ZNF155: variants seen among roughly 807,000 people sequenced by gnomAD.
ZNF155 encodes the protein KRAB A domain.
Under a neutral mutation model 11.9 loss-of-function variants are expected in ZNF155, and 15 were observed. The ratio of observed to expected loss-of-function variants is 1.26; its 90% CI spans 0.84 to 1.94. The LOEUF (loss-of-function observed/expected upper bound fraction) is 1.94. Among genes scored for constraint, ZNF155 ranks in the 30% most tolerant of loss-of-function variants. The pLI, the probability that ZNF155 is intolerant of heterozygous loss-of-function variation, is 0.00. For synonymous variants in ZNF155, 212 were observed against 219.9 expected, an observed-to-expected ratio of 0.96 and a Z score of 0.32; for missense variants, 602 against 639.1, an observed-to-expected ratio of 0.94 and a Z score of 0.63.
At chr19:43,991,256 G>A (rs540723229) in intron 2 of ZNF155, among the ~76,000 whole-genome samples, 1 of 152,096 alleles carries the variant, frequency 6.6e-6, no homozygotes, top group African/African-American at 2.4e-5. Flanking sequence ...ACCTATATAT[G>A]GGTAGCTCAG....
chr19:43,988,493 T>A lies in ZNF155; in HGVS notation c.-51T>A. On this transcript the variant is annotated 5_prime_UTR_variant, in exon 2 of 5. Coordinates refer to ENST00000270014, the MANE Select transcript of ZNF155 (RefSeq NM_198089.3). Reference sequence around the variant, plus strand: ...CGTTTCAGGCAGGATTCCTCCTTCATTCAAACTGCATCACCCAGGAGTCTG... The same window carrying A: ...CGTTTCAGGCAGGATTCCTCCTTCAATCAAACTGCATCACCCAGGAGTCTG... 1 of 1,578,160 alleles carries A rather than the reference T, an allele frequency of 6.3e-7. No homozygotes were observed. Among genetic ancestry groups the A allele is most frequent in the Non-Finnish European group, 8.6e-7 (1 of 1,159,676 alleles).
Position 43,996,917 on chromosome 19 carries a change from A to G in ZNF155, c.1060A>G (p.Ile354Val), listed in dbSNP as rs771604638. 24 of 1,613,984 alleles carry G rather than the reference A, an allele frequency of 1.5e-5. 1 individual carries two copies. The South Asian group carries it at 2.6e-4, about 18-fold the overall frequency. Residue 354 changes from isoleucine (I) to valine (V), a missense_variant, in exon 5 of 5, where the codon ATT becomes GTT. Physicochemically the swap from Ile to Val is conservative, Grantham distance 29. Transcript: ENST00000270014. ...ATGTGAGCAGTGTGGAAAAGGCTTTATTGGTAGGCTAGATTTTTATAAGCA... is the reference window on the plus strand; with the variant it reads ...ATGTGAGCAGTGTGGAAAAGGCTTTGTTGGTAGGCTAGATTTTTATAAGCA... ...YRCEQCGKGF[I>V]GRLDFYKHQV...
At chr19:43,994,347 T>C (rs1975761492) in intron 4 of ZNF155, among the ~76,000 whole-genome samples, 1 of 152,242 alleles carries the variant, frequency 6.6e-6, no homozygotes, top group Non-Finnish European at 1.5e-5. Flanking sequence ...ACATATGCTG[T>C]GCAAAATTCT....
At chr19:43,986,666 G>C (rs1417282129) in intron 1 of ZNF155, among the ~76,000 whole-genome samples, 1 of 151,990 alleles carries the variant, frequency 6.6e-6, no homozygotes, top group Non-Finnish European at 1.5e-5. Flanking sequence ...AGCCAGGATG[G>C]TCTCGATCTC....
rs755346795 is a variant in ZNF155, at chr19:43,996,548, C to A, written c.691C>A (p.Pro231Thr). 1.2e-6 allele frequency: 2 copies of A among 1,614,104 alleles called. No individual in the cohort carries two copies. Among genetic ancestry groups the A allele is most frequent in the Admixed American group, 3.3e-5 (2 of 60,018 alleles). ...TCAGAGAGTCCACACTGGAGAGAAA[C>A]CATTCAAATGTGAGCAATGTGGGAA... ...THQRVHTGEK[P>T]FKCEQCGKGF... The change falls in exon 5 of 5, where the codon CCA (proline) becomes ACA (threonine). Residue 231 changes from proline (P) to threonine (T), a missense_variant. Coordinates refer to ENST00000270014, the MANE Select transcript of ZNF155 (RefSeq NM_198089.3).
At chr19:43,995,165 G>A (rs560188397) in intron 4 of ZNF155, among the ~76,000 whole-genome samples, 106 of 151,908 alleles carry the variant, frequency 7.0e-4, no homozygotes, top group African/African-American at 2.5e-3. Context: ...GAGTGCAGTG[G>A]CACGATCTCA....
chr19:43,991,565 G>A lies in ZNF155; in HGVS notation c.33G>A (p.Lys11=). The change falls in exon 3 of 5, where the codon AAG becomes AAA. Residue 11 remains lysine, a synonymous_variant. Coordinates refer to ENST00000270014, the MANE Select transcript of ZNF155 (RefSeq NM_198089.3). MTTFKEAVTF[K]DVAVVFTEEE... is the part of the protein sequence containing the mutation. Reference sequence around the variant, plus strand: ...TGTTGTAGGAGGCAGTGACCTTCAAGGATGTGGCTGTGGTCTTCACTGAGG... The same window carrying A: ...TGTTGTAGGAGGCAGTGACCTTCAAAGATGTGGCTGTGGTCTTCACTGAGG... 6.2e-7 allele frequency: 1 copy of A among 1,614,146 alleles called. No homozygotes were observed. Among genetic ancestry groups the A allele is most frequent in the Non-Finnish European group, 8.5e-7 (1 of 1,180,020 alleles).
rs1455275058 is a variant in ZNF155, at chr19:43,996,388, ATGTGATGAG to A, written c.536_544del (p.Asp179_Cys181del). On this transcript the variant is annotated inframe_deletion, in exon 5 of 5. Transcript: ENST00000270014. ...TATACTCAGAAGAGAAGTCTTATACATGTGATGAGTGTGGAAAAAGCATCTGTTACATCT... is the reference window on the plus strand; with the variant it reads ...TATACTCAGAAGAGAAGTCTTATACATGTGGAAAAAGCATCTGTTACATCT... 4 of 1,614,206 alleles carry A rather than the reference ATGTGATGAG, an allele frequency of 2.5e-6. No individual in the cohort carries two copies. The East Asian group carries it at 8.9e-5, about 36-fold the overall frequency.
intron 2 of ZNF155, among the ~76,000 whole-genome samples, chr19:43,989,657 G>A (rs2147381326): frequency 6.6e-6 from 1 of 152,220 alleles, no homozygotes; most frequent in South Asian, 2.1e-4. Flanking sequence ...TCCCTACTTG[G>A]TGTGACTTCT....
In ZNF155 at chr19:43,996,441, A is replaced by C. The variant is rs1271092837; in HGVS notation, c.584A>C (p.Gln195Pro). The C allele has an allele frequency of 6.2e-7, 1 of 1,614,212 alleles. No individual in the cohort carries two copies. Among genetic ancestry groups the C allele is most frequent in the South Asian group, 1.1e-5 (1 of 91,088 alleles). Residue 195 changes from glutamine to proline, a missense_variant, in exon 5 of 5, where the codon CAG becomes CCG. Physicochemically the swap from Gln to Pro is moderately conservative, Grantham distance 76 (BLOSUM62 -1). Transcript: ENST00000270014. ...ICYISALHVHQRVHVGEKLFM... is the reference protein window; with the variant it reads ...ICYISALHVHPRVHVGEKLFM... ...TACATCTCAGCTCTTCATGTTCATC[A>C]GAGAGTCCACGTGGGAGAGAAACTC...
chr19:43,988,127 A>T lies in ZNF155; in HGVS notation c.-85-332A>T, dbSNP rs373276021. ...CATAGCAAGACCCCATCTCTTAAAA[A>T]ATAAAAACTCATTCTCACCTCAAAT... On this transcript the variant is annotated intron_variant, in intron 1 of 4. Transcript: ENST00000270014. 9.2e-5 allele frequency among the ~76,000 whole-genome samples: 14 copies of T among 152,332 alleles called. 1 individual carries two copies. The highest frequency in any genetic ancestry group is 3.4e-4 in the African/African-American group (14 of 41,570).
In ZNF155 at chr19:43,991,652, C is replaced by T. The variant is rs146607153; in HGVS notation, c.120C>T (p.Asn40=). 1.9e-6 allele frequency: 3 copies of T among 1,613,990 alleles called. No homozygotes were observed. Among genetic ancestry groups the T allele is most frequent in the African/African-American group, 1.3e-5 (1 of 74,882 alleles). ...TGTACCGAGATGTGATGCTGGAGAA[C>T]TTCAGGAACCTGCTCTCAGTGGGTG... ...RKLYRDVMLE[N]FRNLLSVGHQ... is the part of the protein sequence containing the mutation. Residue 40 remains asparagine (N), a synonymous_variant, in exon 3 of 5, where the codon AAC becomes AAT. Transcript: ENST00000270014.
intron 1 of ZNF155, among the ~76,000 whole-genome samples, chr19:43,986,659 C>T (rs951800812): frequency 3.3e-5 from 5 of 152,136 alleles, no homozygotes; most frequent in African/African-American, 9.6e-5. Context: ...CTGTGTTAGC[C>T]AGGATGGTCT....
Position 43,997,125 on chromosome 19 carries a change from G to A in ZNF155, c.1268G>A (p.Ser423Asn), listed in dbSNP as rs530456428. The change falls in exon 5 of 5, where the codon AGT becomes AAT. Residue 423 changes from serine (S) to asparagine (N), a missense_variant. Transcript: ENST00000270014. ...SQLSSHQRSHSGEKPYKCEEC... is the reference protein window; with the variant it reads ...SQLSSHQRSHNGEKPYKCEEC... ...CTGTCTTCCCATCAGAGATCCCACA[G>A]TGGTGAAAAGCCATATAAATGTGAG... 8 of 1,614,192 alleles carry A rather than the reference G, an allele frequency of 5.0e-6. No homozygotes were observed. In the East Asian group the frequency reaches 1.6e-4, roughly 31 times the overall value.
At chr19:43,990,136 G>A in intron 2 of ZNF155, 1 of 1,395,768 alleles carries the variant, frequency 7.2e-7, no homozygotes, top group Non-Finnish European at 9.7e-7. Flanking sequence ...TGGGAAGAAA[G>A]CATGCAGTTA....
In ZNF155 at chr19:43,984,224, T is replaced by C. The variant is rs986479887; in HGVS notation, c.-107T>C. On this transcript the variant is annotated 5_prime_UTR_variant, in exon 1 of 5. Coordinates refer to ENST00000270014, the MANE Select transcript of ZNF155 (RefSeq NM_198089.3). ...CGGTCTCCGAGCAGGACACTGCTAC[T>C]TAACAAGGTGGTTTGAGCCAAGTAT... 1 of 152,010 alleles carries C rather than the reference T, an allele frequency of 6.6e-6. No individual in the cohort carries two copies. Among genetic ancestry groups the C allele is most frequent in the African/African-American group, 2.4e-5 (1 of 41,410 alleles). 9.4% of individuals were successfully genotyped at this position (152,010 alleles called of 1,614,324 possible).
chr19:43,985,541 T>C (rs34274057), intron 1 of ZNF155, among the ~76,000 whole-genome samples: 188 of 52,972 alleles, frequency 3.5e-3, no homozygotes, highest in Middle Eastern at 0.014. Context: ...TTCTTTTTTT[T>C]TTTTTTTTTT....
At chr19:43,987,627 G>T (rs150659054) in intron 1 of ZNF155, among the ~76,000 whole-genome samples, 1 of 152,268 alleles carries the variant, frequency 6.6e-6, no homozygotes, top group East Asian at 1.9e-4. Flanking sequence ...ATGTCTTTCA[G>T]ATTTGTCCAC....
rs138131499 is a variant in ZNF155 at position 43,996,816 on chromosome 19, C to T, written c.959C>T (p.Thr320Ile). 1 of 1,613,934 alleles carries T rather than the reference C, an allele frequency of 6.2e-7. No individual in the cohort carries two copies. Among genetic ancestry groups the T allele is most frequent in the Non-Finnish European group, 8.5e-7 (1 of 1,179,980 alleles). ...HTGEKPFRCD[T>I]CDKSFHQRSA... ...GGAGAAAAACCATTTAGGTGTGATA[C>T]ATGTGATAAGAGCTTTCATCAGAGA... Residue 320 changes from threonine (T) to isoleucine (I), a missense_variant, in exon 5 of 5, where the codon ACA becomes ATA. Transcript: ENST00000270014.
Sources: allele counts gnomAD v4.1 joint callset (sites outside exome capture counted in the v4.1 genomes callset), GRCh38; gene constraint gnomAD v4.1.1; transcripts MANE v1.5; gene names NCBI Gene and HGNC (gene_info 2026-07-23, HGNC 2026-07-21).